The following CEP41 variants were observed in gnomAD, a reference collection of about 807,000 sequenced individuals.
The protein encoded by CEP41 is centrosomal protein of 41 kDa.
Under a neutral mutation model 44.3 loss-of-function variants are expected in CEP41, and 32 were observed. The observed-to-expected ratio is 0.72, with a 90% CI of 0.54 to 0.97. CEP41 has a LOEUF of 0.97. Among genes scored for constraint, CEP41 ranks in the 50% least tolerant of loss-of-function variants. The pLI, the probability that CEP41 is intolerant of heterozygous loss-of-function variation, is 0.00. For synonymous variants in CEP41, 151 were observed against 168.5 expected (o/e 0.90, Z 0.80); for missense variants, 432 against 455.2 (o/e 0.95, Z 0.46).
chr7:130,415,952 T>C (rs1797323111), intron 3 of CEP41, among the ~76,000 whole-genome samples: 1 of 152,238 alleles, frequency 6.6e-6, no homozygotes, highest in Non-Finnish European at 1.5e-5. Flanking sequence ...TTAGCCCTTA[T>C]AGCTGAACAT....
At chr7:130,404,195 C>T (rs1401386465) in intron 6 of CEP41, among the ~76,000 whole-genome samples, 1 of 152,090 alleles carries the variant, frequency 6.6e-6, no homozygotes, top group Non-Finnish European at 1.5e-5. Context: ...CTGTCACTTC[C>T]GGACAGGGTA....
chr7:130,400,562 C>G (rs1796811617), intron 9 of CEP41, 145 bp downstream of exon 9: 1 of 701,292 alleles, frequency 1.4e-6, no homozygotes, highest in South Asian at 1.6e-5. Context: ...GGAAGTTTCA[C>G]ATAACTCCTG....
At chr7:130,421,147 C>T (rs1797496698) in intron 2 of CEP41, 1 of 985,278 alleles carries the variant, frequency 1.0e-6, no homozygotes, top group African/African-American at 1.7e-5. Flanking sequence ...TGTGCAAACA[C>T]AGAGTGCAAC....
chr7:130,440,737 C>T, intron 1 of CEP41, 197 bp downstream of exon 1: 2 of 643,274 alleles, frequency 3.1e-6, no homozygotes, highest in Non-Finnish European at 5.5e-6. Flanking sequence ...AGAGATCGCT[C>T]CTCAAAACGG....
intron 1 of CEP41, chr7:130,440,525 T>C (rs1798116150): frequency 2.7e-6 from 1 of 372,864 alleles, no homozygotes; most frequent in Non-Finnish European, 5.0e-6. Flanking sequence ...AAAGGTTTGG[T>C]CAGCTTACTC....
intron 2 of CEP41, chr7:130,420,019 C>A (rs1744074775): frequency 1.0e-6 from 1 of 985,286 alleles, no homozygotes; most frequent in Non-Finnish European, 1.2e-6. Context: ...AGGAGACACT[C>A]AAAAATACTT....
rs1554417028 is a variant in CEP41, at chr7:130,401,939, T to C, written c.584A>G (p.Tyr195Cys). The C allele has an allele frequency of 1.9e-6, 3 of 1,609,272 alleles. No individual in the cohort carries two copies. Among genetic ancestry groups the C allele is most frequent in the Non-Finnish European group, 2.6e-6 (3 of 1,175,670 alleles). ...TGTTCTAGACAGAGTTGCAATTGGGTAACTGTAAGCTGCAAAGAGAAGAAA... is the reference window on the plus strand; with the variant it reads ...TGTTCTAGACAGAGTTGCAATTGGGCAACTGTAAGCTGCAAAGAGAAGAAA... ...QQCHIVGAYS[Y>C]PIATLSRTMN... is the part of the protein sequence containing the mutation. The change falls in exon 8 of 11, where the codon TAC (tyrosine) becomes TGC (cysteine). Residue 195 changes from tyrosine to cysteine, a missense_variant. Transcript: ENST00000223208.
chr7:130,420,971 C>T, intron 2 of CEP41: 1 of 982,568 alleles, frequency 1.0e-6, no homozygotes, highest in Non-Finnish European at 1.2e-6. Flanking sequence ...TTATGTGCTA[C>T]ATATATGACT....
intron 2 of CEP41, 136 bp downstream of exon 2, chr7:130,427,819 T>C (rs1002673071): frequency 1.9e-5 from 12 of 648,492 alleles, no homozygotes; most frequent in Non-Finnish European, 3.3e-5. Flanking sequence ...CAAGGATAAA[T>C]CCTGAGCCGA....
At chr7:130,401,747 C>T in intron 8 of CEP41, 134 bp downstream of exon 8, 1 of 652,826 alleles carries the variant, frequency 1.5e-6, no homozygotes, top group Non-Finnish European at 2.8e-6. Flanking sequence ...GCTAGGAATC[C>T]AAATTCTAAA....
chr7:130,411,078 A>C, intron 5 of CEP41, 44 bp downstream of exon 5: 1 of 1,550,032 alleles, frequency 6.5e-7, no homozygotes, highest in Non-Finnish European at 8.9e-7. Context: ...GTTTCAGTCA[A>C]ATGGTCAGCC....
At chr7:130,425,253 A>G (rs1369285356) in intron 2 of CEP41, among the ~76,000 whole-genome samples, 2 of 152,126 alleles carry the variant, frequency 1.3e-5, no homozygotes, top group Non-Finnish European at 2.9e-5. Flanking sequence ...TCTCTACTAA[A>G]AATACAAAAA....
chr7:130,432,588 CAA>C (rs56874452), intron 1 of CEP41, among the ~76,000 whole-genome samples: 2,133 of 59,900 alleles, frequency 0.036, 15 homozygotes, highest in Non-Finnish European at 0.051. Context: ...TTTGTTTCCA[CAA>C]AAAAAAAAAA....
At chr7:130,415,181 G>C (rs1554420604) in intron 3 of CEP41, among the ~76,000 whole-genome samples, 1 of 152,180 alleles carries the variant, frequency 6.6e-6, no homozygotes, top group Non-Finnish European at 1.5e-5. Context: ...GGGAAGTTGG[G>C]TTCACAGTGG....
At chr7:130,435,642 A>C (rs1049902956) in intron 1 of CEP41, among the ~76,000 whole-genome samples, 2 of 152,186 alleles carry the variant, frequency 1.3e-5, no homozygotes, top group African/African-American at 4.8e-5. Flanking sequence ...CCTTGGCAGG[A>C]ATGTAAAATG....
Position 130,393,980 on chromosome 7 carries a change from A to G in CEP41, c.*4911T>C, listed in dbSNP as rs1242161161. On this transcript the variant is annotated 3_prime_UTR_variant, in exon 11 of 11. Coordinates refer to ENST00000223208, the MANE Select transcript of CEP41 (RefSeq NM_018718.3). ...AGACACAGGCGGTGGAAATGTGGAA[A>G]TACGCATTCCCCAGAGCAGATGTTT... 4.4e-6 allele frequency: 2 copies of G among 454,140 alleles called. No individual in the cohort carries two copies. The highest frequency in any genetic ancestry group is 8.8e-6 in the Non-Finnish European group (2 of 226,790). The allele number at this position is 454,140 out of a possible 1,614,324, so 28.1% of individuals were successfully genotyped here.
chr7:130,414,766 G>T (rs1263860007), intron 3 of CEP41, among the ~76,000 whole-genome samples: 9 of 152,230 alleles, frequency 5.9e-5, no homozygotes, highest in Non-Finnish European at 1.2e-4. Context: ...ATGTTCTACA[G>T]TAAGTTTAAA....
upstream of CEP41, chr7:130,441,384 C>G (rs1798165385): frequency 2.7e-6 from 1 of 370,744 alleles, no homozygotes. Context: ...CATCCCCCAG[C>G]TCCGTTTTAT....
At chr7:130,432,069 T>C (rs547123989) in intron 1 of CEP41, among the ~76,000 whole-genome samples, 1 of 152,184 alleles carries the variant, frequency 6.6e-6, no homozygotes, top group African/African-American at 2.4e-5. Context: ...CAAACGCCAA[T>C]AGTGCCTAGG....
Sources: gnomAD v4.1 joint callset for allele counts (sites outside exome capture counted in the v4.1 genomes callset) on GRCh38, gnomAD v4.1.1 for gene constraint, MANE v1.5 for transcripts, NCBI Gene and HGNC (gene_info 2026-07-23, HGNC 2026-07-21) for gene names.